INTS9: variants seen among roughly 807,000 people sequenced by gnomAD.
The protein encoded by INTS9 is protein related to CPSF subunits of 74 kDa.
INTS9 carries 55 observed loss-of-function variants against 79.7 expected under a neutral mutation model. The observed-to-expected ratio is 0.69, with a 90% CI of 0.56 to 0.86. INTS9 has a LOEUF of 0.86. INTS9 is among the 40% of genes least tolerant of loss of function. The probability of loss-of-function intolerance (pLI) is 0.00; values close to 1 mark genes in which losing one functional copy is unlikely to be tolerated. For missense variants in INTS9, 721 were observed against 831.5 expected, an observed-to-expected ratio of 0.87 and a Z score of 1.64; for synonymous variants, 319 against 325.2, an observed-to-expected ratio of 0.98 and a Z score of 0.20.
At chr8:28,840,335 C>T (rs1325444956) in intron 4 of INTS9, among the ~76,000 whole-genome samples, 8 of 148,962 alleles carry the variant, frequency 5.4e-5, no homozygotes, top group Non-Finnish European at 1.0e-4. Flanking sequence ...CACTTTTACA[C>T]TGTTGGTGGG....
intron 6 of INTS9, among the ~76,000 whole-genome samples, chr8:28,831,599 C>A (rs1806490850): frequency 6.6e-6 from 1 of 152,120 alleles, no homozygotes; most frequent in African/African-American, 2.4e-5. Context: ...AAATGGGAGG[C>A]AAAGGCAAAA....
chr8:28,777,919 A>G lies in INTS9; in HGVS notation c.1305T>C (p.Pro435=), dbSNP rs1802991893. The G allele has an allele frequency of 1.2e-6, 2 of 1,612,496 alleles. No homozygotes were observed. The highest frequency in any genetic ancestry group is 1.3e-5 in the African/African-American group (1 of 74,856). The stretch of plus-strand genomic sequence containing the variant: ...TGCATTTCATGGCCAGCGGCTGGTA[A>G]GGAGCCAGGGCTTCCAGGTAGGAGA... ...PDFSYLEALA[P]YQPLAMKCIY... The change falls in exon 13 of 17, where the codon CCT becomes CCC. Residue 435 remains proline (P), a synonymous_variant. Coordinates refer to ENST00000521022, the MANE Select transcript of INTS9 (RefSeq NM_018250.4).
In INTS9 at chr8:28,862,119, C is replaced by G. The variant is rs73552989; in HGVS notation, c.10-2556G>C. 2.7e-3 allele frequency: 2,691 copies of G among 985,428 alleles called. 61 individuals are homozygous for G. In the African/African-American group the frequency reaches 0.043, roughly 16 times the overall value. The allele number at this position is 985,428 out of a possible 1,614,324, so 61.0% of individuals were successfully genotyped here. A position where few individuals can be genotyped will look rare whatever the true frequency, so the allele number is the denominator to read the frequency against. On this transcript the variant is annotated intron_variant, in intron 1 of 16. Transcript: ENST00000521022. ...TTGTACAGGAGGCGCTTGCAAAGGGCCCAGACCCTGTGGCCTCCAGCGATG... is the reference window on the plus strand; with the variant it reads ...TTGTACAGGAGGCGCTTGCAAAGGGGCCAGACCCTGTGGCCTCCAGCGATG...
chr8:28,888,235 C>A (rs1050974299), intron 1 of INTS9, among the ~76,000 whole-genome samples: 2 of 152,196 alleles, frequency 1.3e-5, no homozygotes, highest in African/African-American at 4.8e-5. Flanking sequence ...GAACACGCCT[C>A]TATTTCACCA....
intron 8 of INTS9, among the ~76,000 whole-genome samples, chr8:28,807,508 A>C (rs1804876188): frequency 6.6e-6 from 1 of 152,176 alleles, no homozygotes; most frequent in Non-Finnish European, 1.5e-5. Context: ...TCATTCCTGG[A>C]GAGTATTTTA....
chr8:28,770,744 C>T (rs148624236), intron 15 of INTS9, among the ~76,000 whole-genome samples: 113 of 152,338 alleles, frequency 7.4e-4, no homozygotes, highest in African/African-American at 2.5e-3. Flanking sequence ...CCACCCTGCA[C>T]GTCTCCCCAC....
chr8:28,787,730 T>G, intron 11 of INTS9, 99 bp downstream of exon 11: 1 of 797,598 alleles, frequency 1.3e-6, no homozygotes. Context: ...TCTACAGGTT[T>G]ACACAGCAAT....
At chr8:28,864,726 T>C (rs565583725) in intron 1 of INTS9, among the ~76,000 whole-genome samples, 1 of 152,232 alleles carries the variant, frequency 6.6e-6, no homozygotes, top group Non-Finnish European at 1.5e-5. Context: ...GGAATCCTGT[T>C]GTACATATCT....
intron 2 of INTS9, among the ~76,000 whole-genome samples, chr8:28,857,213 C>T (rs1272178872): frequency 6.6e-6 from 1 of 152,070 alleles, no homozygotes; most frequent in Admixed American, 6.5e-5. Context: ...ATGATGGGGC[C>T]AAGCAATGAA....
chr8:28,820,740 A>G (rs1805782585), intron 6 of INTS9, among the ~76,000 whole-genome samples: 1 of 152,218 alleles, frequency 6.6e-6, no homozygotes, highest in African/African-American at 2.4e-5. Flanking sequence ...TGAGAAATCT[A>G]CTGAAGACTG....
rs1807543777 is a variant in INTS9 at position 28,846,816 on chromosome 8, G to T, written c.199-7C>A. 8 of 1,608,862 alleles carry T rather than the reference G, an allele frequency of 5.0e-6. No homozygotes were observed. The South Asian group carries it at 6.6e-5, about 13-fold the overall frequency. On this transcript the variant is annotated splice_polypyrimidine_tract_variant and splice_region_variant and intron_variant, in intron 3 of 16. Transcript: ENST00000521022. ...CCGAGCACTCCTTTAGCTCCTAAAA[G>T]AAATGAAAAGGAAAAATACAAGGAA... is the stretch of plus-strand genomic sequence containing the variant.
At chr8:28,887,406 T>C (rs557694159) in intron 1 of INTS9, among the ~76,000 whole-genome samples, 6 of 152,318 alleles carry the variant, frequency 3.9e-5, no homozygotes, top group African/African-American at 1.4e-4. Context: ...AGTATTCTAG[T>C]TGGACTGGAG....
chr8:28,868,445 A>G (rs975029063), intron 1 of INTS9, among the ~76,000 whole-genome samples: 9 of 152,138 alleles, frequency 5.9e-5, no homozygotes, highest in African/African-American at 2.2e-4. Context: ...AGTCATAAAG[A>G]AACTGTTTTT....
In INTS9 at chr8:28,837,698, T is replaced by C. The variant is rs1434183375; in HGVS notation, c.340A>G (p.Thr114Ala). The change falls in exon 5 of 17, where the codon ACC becomes GCC. Residue 114 changes from threonine to alanine, a missense_variant. Thr to Ala is a moderately conservative substitution (Grantham distance 58). Around this residue, in one of 3 missense-constraint regions of INTS9, gnomAD observed 291 missense variants for 307.0 expected, o/e 0.95. Transcript: ENST00000521022. ...YHCMMALPYITEHTGFTGTVY... is the reference protein window; with the variant it reads ...YHCMMALPYIAEHTGFTGTVY... ...GTGCCTGTGAAGCCGGTGTGCTCGG[T>C]GATGTATGGCAGCGCCATCATACAG... The C allele has an allele frequency of 1.9e-6, 3 of 1,613,912 alleles. No individual in the cohort carries two copies. The highest frequency in any genetic ancestry group is 2.2e-5 in the East Asian group (1 of 44,844).
At position 28,813,439 on chromosome 8, in the gene INTS9, C is replaced by A. The variant is rs911830766; in HGVS notation, c.609+53G>T. ...TAGGATTCTTCCAAACAACAAACAA[C>A]AATATGAATGGAAAGCATTCATGAA... On this transcript the variant is annotated intron_variant, in intron 7 of 16. Transcript: ENST00000521022. 16 of 1,551,980 alleles carry A rather than the reference C, an allele frequency of 1.0e-5. No homozygotes were observed. The Admixed American group carries it at 1.5e-4, about 15-fold the overall frequency.
intron 8 of INTS9, among the ~76,000 whole-genome samples, chr8:28,803,617 C>A (rs1804643788): frequency 6.6e-6 from 1 of 152,108 alleles, no homozygotes; most frequent in African/African-American, 2.4e-5. Context: ...ACGCGACAGA[C>A]CACCAAACAG....
intron 8 of INTS9, among the ~76,000 whole-genome samples, chr8:28,802,767 C>G (rs1165887517): frequency 6.6e-6 from 1 of 152,100 alleles, no homozygotes; most frequent in Non-Finnish European, 1.5e-5. Context: ...ATTTTCCATA[C>G]TTCAAATCTT....
At chr8:28,813,354 C>G in intron 7 of INTS9, 138 bp downstream of exon 7, 1 of 829,952 alleles carries the variant, frequency 1.2e-6, no homozygotes, top group Middle Eastern at 3.6e-4. Context: ...CTGCGCGGAA[C>G]GGAGGAAAGA....
intron 1 of INTS9, among the ~76,000 whole-genome samples, chr8:28,873,486 T>C (rs1209860104): frequency 3.3e-5 from 5 of 152,208 alleles, no homozygotes; most frequent in Admixed American, 3.3e-4. Flanking sequence ...ACATAAGGTA[T>C]AGTTCCATTT....
Sources: gnomAD v4.1 joint callset for allele counts (sites outside exome capture counted in the v4.1 genomes callset) on GRCh38, gnomAD v4.1.1 for gene constraint, gnomAD v4.1.1 regional missense constraint, MANE v1.5 for transcripts, NCBI Gene and HGNC (gene_info 2026-07-23, HGNC 2026-07-21) for gene names.